Variants in OPCML observed in about 807,000 individuals in gnomAD.
OPCML encodes opioid binding protein/cell adhesion molecule like, also known as opioid-binding protein/cell adhesion molecule.
OPCML carries 13 observed loss-of-function variants against 37.8 expected under a neutral mutation model. The ratio of observed to expected loss-of-function variants is 0.34; its 90% confidence interval spans 0.22 to 0.55. The LOEUF (loss-of-function observed/expected upper bound fraction) is 0.55, where lower values mean the gene tolerates loss of function less well. Ranked by LOEUF, OPCML falls within the 20% of genes least tolerant of loss-of-function variation. The pLI is 0.91. For missense variants in OPCML, 341 were observed against 435.6 expected (o/e 0.78, Z 1.93); for synonymous variants, 176 against 168.8 (o/e 1.04, Z -0.33).
intron 4 of OPCML, among the ~76,000 whole-genome samples, chr11:132,505,477 G>A (rs1271925169): frequency 6.6e-6 from 1 of 151,352 alleles, no homozygotes; most frequent in Non-Finnish European, 1.5e-5. Context: ...CTCCACAGAA[G>A]CAGAAAAGTA....
intron 1 of OPCML, among the ~76,000 whole-genome samples, chr11:133,270,210 C>A (rs1941786752): frequency 6.6e-6 from 1 of 152,292 alleles, no homozygotes; most frequent in East Asian, 1.9e-4. Flanking sequence ...AAACAGAGAG[C>A]AAACCTATTC....
intron 1 of OPCML, among the ~76,000 whole-genome samples, chr11:133,000,033 G>A (rs1591896901): frequency 6.6e-6 from 1 of 152,096 alleles, no homozygotes; most frequent in South Asian, 2.1e-4. Context: ...CAAGAAAGGA[G>A]GATATCTTAG....
At chr11:132,496,435 C>T (rs2096231435) in intron 4 of OPCML, among the ~76,000 whole-genome samples, 1 of 152,174 alleles carries the variant, frequency 6.6e-6, no homozygotes, top group Admixed American at 6.5e-5. Context: ...ACTTCTAATG[C>T]TTTATGGTTC....
At chr11:133,506,801 A>G (rs1948041626) in intron 1 of OPCML, among the ~76,000 whole-genome samples, 1 of 152,204 alleles carries the variant, frequency 6.6e-6, no homozygotes, top group African/African-American at 2.4e-5. Flanking sequence ...GCCACTGCCC[A>G]TGTGCTGTCC....
intron 1 of OPCML, among the ~76,000 whole-genome samples, chr11:133,372,942 T>C (rs1944704814): frequency 6.6e-6 from 1 of 152,224 alleles, no homozygotes; most frequent in Non-Finnish European, 1.5e-5. Flanking sequence ...ATAATCAAGC[T>C]ATTATTAACA....
rs184791597 is a variant in OPCML, at chr11:132,904,868, T to A, written c.146+38058A>T. 3.9e-4 allele frequency among the ~76,000 whole-genome samples: 59 copies of A among 152,264 alleles called. No homozygotes were observed. The East Asian group carries it at 0.01, about 27-fold the overall frequency. ...TCAGAGGTCGTGAGTTTGTTTGAAT[T>A]GGGATTTTTCTCTGGACCTAAAACT... On this transcript the variant is annotated intron_variant, in intron 2 of 7. Transcript: ENST00000524381.
rs145341765 is a variant in OPCML at position 133,029,833 on chromosome 11, C to T, written c.62-86823G>A. Among the ~76,000 whole-genome samples, 7 of 148,026 alleles carry T rather than the reference C, an allele frequency of 4.7e-5. No individual in the cohort carries two copies. In the East Asian group the frequency reaches 1.2e-3, roughly 26 times the overall value. The stretch of plus-strand genomic sequence containing the variant: ...TCACGCTATATATTCTTGTAACAAA[C>T]CTGCACACGCACCTAATGAATCTAA... On this transcript the variant is annotated intron_variant, in intron 1 of 7. Coordinates refer to ENST00000524381, the MANE Select transcript of OPCML (RefSeq NM_001012393.5).
In OPCML at chr11:132,703,374, G is replaced by T. The variant is rs553760149; in HGVS notation, c.147-46055C>A. On this transcript the variant is annotated intron_variant, in intron 2 of 7. Transcript: ENST00000524381. ...TGTGGGACCACCTTTGCATATATGGGCCATGATTGACCAAAATGTTGCTGT... is the reference window on the plus strand; with the variant it reads ...TGTGGGACCACCTTTGCATATATGGTCCATGATTGACCAAAATGTTGCTGT... Among the ~76,000 whole-genome samples, 139 of 152,262 alleles carry T rather than the reference G, an allele frequency of 9.1e-4. 1 individual carries two copies. Among genetic ancestry groups the T allele is most frequent in the Non-Finnish European group, 1.7e-3 (115 of 68,014 alleles).
At chr11:132,908,919 G>T (rs2136531728) in intron 2 of OPCML, among the ~76,000 whole-genome samples, 1 of 152,302 alleles carries the variant, frequency 6.6e-6, no homozygotes, top group East Asian at 1.9e-4. Context: ...ACCAGCTTGA[G>T]GAATCCCAAC....
chr11:132,786,893 G>A (rs1248391067), intron 2 of OPCML, among the ~76,000 whole-genome samples: 2 of 152,140 alleles, frequency 1.3e-5, no homozygotes, highest in Non-Finnish European at 2.9e-5. Context: ...AGGAGGCTGG[G>A]TGGTGGGATG....
intron 1 of OPCML, among the ~76,000 whole-genome samples, chr11:133,388,871 T>C (rs908980600): frequency 2.0e-5 from 3 of 152,238 alleles, no homozygotes; most frequent in Non-Finnish European, 4.4e-5. Context: ...TTCTTGAAGA[T>C]GTGTGCAAGC....
At chr11:133,222,816 G>A (rs1255785380) in intron 1 of OPCML, among the ~76,000 whole-genome samples, 1 of 151,340 alleles carries the variant, frequency 6.6e-6, no homozygotes, top group African/African-American at 2.4e-5. Flanking sequence ...GCAAAGGGGG[G>A]CCGAGCCGGG....
chr11:132,984,280 C>T (rs769561841), intron 1 of OPCML, among the ~76,000 whole-genome samples: 4 of 152,242 alleles, frequency 2.6e-5, no homozygotes, highest in Middle Eastern at 6.8e-3. Flanking sequence ...GTCCTTATAA[C>T]TACTCGATAA....
At chr11:133,294,254 G>C (rs1423019431) in intron 1 of OPCML, among the ~76,000 whole-genome samples, 1 of 152,036 alleles carries the variant, frequency 6.6e-6, no homozygotes, top group Non-Finnish European at 1.5e-5. Flanking sequence ...TCACACATCT[G>C]CTGGGAGGCA....
At chr11:132,674,177 C>A (rs1199179020) in intron 2 of OPCML, among the ~76,000 whole-genome samples, 1 of 152,168 alleles carries the variant, frequency 6.6e-6, no homozygotes, top group Admixed American at 6.5e-5. Flanking sequence ...CTCCTCTAGG[C>A]ACTGCGTTCA....
chr11:133,296,217 G>A (rs927133462), intron 1 of OPCML, among the ~76,000 whole-genome samples: 10 of 152,282 alleles, frequency 6.6e-5, no homozygotes, highest in East Asian at 3.9e-4. Flanking sequence ...TTTGGGTAAC[G>A]TTTTCATTGA....
chr11:132,930,719 G>C (rs750641168), intron 2 of OPCML, among the ~76,000 whole-genome samples: 1 of 152,134 alleles, frequency 6.6e-6, no homozygotes, highest in Non-Finnish European at 1.5e-5. Context: ...ACAAAAATAA[G>C]TGAAAAGACA....
intron 1 of OPCML, among the ~76,000 whole-genome samples, chr11:133,355,477 A>G (rs916704206): frequency 6.6e-6 from 1 of 152,210 alleles, no homozygotes; most frequent in Admixed American, 6.5e-5. Context: ...AGAGTTACAG[A>G]AAAAGAGATT....
At chr11:132,937,601 T>G (rs879261604) in intron 2 of OPCML, among the ~76,000 whole-genome samples, 2,479 of 50,264 alleles carry the variant, frequency 0.049, 57 homozygotes, top group Non-Finnish European at 0.072. Context: ...GTGGGGTGTG[T>G]GTGTGTGTGT....
Sources: allele counts gnomAD v4.1 joint callset (sites outside exome capture counted in the v4.1 genomes callset), GRCh38; gene constraint gnomAD v4.1.1; transcripts MANE v1.5; gene names NCBI Gene and HGNC (gene_info 2026-07-23, HGNC 2026-07-21).